The following ATAD3C variants were observed in gnomAD, a reference collection of about 807,000 sequenced individuals.
ATAD3C encodes ATPase family AAA domain-containing protein 3C.
Under a neutral mutation model 46.3 loss-of-function variants are expected in ATAD3C, and 38 were observed. The ratio of observed to expected loss-of-function variants is 0.82; its 90% confidence interval spans 0.63 to 1.08. ATAD3C has a LOEUF of 1.08. ATAD3C is among the 50% of genes least tolerant of loss of function. The pLI, the probability that ATAD3C is intolerant of heterozygous loss-of-function variation, is 0.00. For synonymous variants in ATAD3C, 220 were observed against 236.4 expected, an observed-to-expected ratio of 0.93 and a Z score of 0.63; for missense variants, 563 against 572.7, an observed-to-expected ratio of 0.98 and a Z score of 0.17.
intron 9 of ATAD3C, among the ~76,000 whole-genome samples, chr1:1,460,290 C>T (rs1295943971): frequency 6.6e-6 from 1 of 151,916 alleles, no homozygotes; most frequent in Non-Finnish European, 1.5e-5. Context: ...CCATGTTAGT[C>T]AGCTGGTGTT....
At chr1:1,452,160 G>T (rs769404358) in intron 2 of ATAD3C, 38 bp downstream of exon 2, 4 of 1,608,840 alleles carry the variant, frequency 2.5e-6, no homozygotes, top group Non-Finnish European at 3.4e-6. Context: ...CGCAGATGGA[G>T]CCCCCACAGG....
At chr1:1,465,694 GGTT>G (rs1356342755) in intron 11 of ATAD3C, among the ~76,000 whole-genome samples, 1 of 151,730 alleles carries the variant, frequency 6.6e-6, no homozygotes, top group East Asian at 1.9e-4. Context: ...GATGTCACAG[GGTT>G]GTTTTTTCCA....
In ATAD3C at chr1:1,450,603, C is replaced by A; in HGVS notation, c.-81C>A. 6.6e-7 allele frequency: 1 copy of A among 1,526,322 alleles called. No individual in the cohort carries two copies. The highest frequency in any genetic ancestry group is 8.9e-7 in the Non-Finnish European group (1 of 1,123,396). The allele number at this position is 1,526,322 out of a possible 1,614,324, so 94.5% of individuals were successfully genotyped here. ...AGGCGTGGCCGTGGATTCCAGAAAG[C>A]CCCTTGGCTGGTGTGCGTGCCTGCC... is the stretch of plus-strand genomic sequence containing the variant. On this transcript the variant is annotated 5_prime_UTR_variant, in exon 1 of 12. Coordinates refer to ENST00000378785, the MANE Select transcript of ATAD3C (RefSeq NM_001039211.3).
At chr1:1,460,987 C>T (rs947048992) in intron 10 of ATAD3C, 70 bp downstream of exon 10, 37 of 1,491,206 alleles carry the variant, frequency 2.5e-5, no homozygotes, top group South Asian at 1.9e-4. Flanking sequence ...TCCTGTTCTC[C>T]GGACACACCC....
chr1:1,452,185 C>A, intron 2 of ATAD3C, 63 bp downstream of exon 2: 1 of 1,597,026 alleles, frequency 6.3e-7, no homozygotes, highest in Non-Finnish European at 8.6e-7. Context: ...AGTCGCTGGT[C>A]CCAGGGTGCT....
chr1:1,456,907 C>T lies in ATAD3C; in HGVS notation c.690-222C>T, dbSNP rs1035255055. ...TGTCCCTGGTGTGGACTCTAAGCGG[C>T]CACCAGCGCTGCACTGGGCTGAGTG... On this transcript the variant is annotated intron_variant, in intron 7 of 11. Coordinates refer to ENST00000378785, the MANE Select transcript of ATAD3C (RefSeq NM_001039211.3). Among the ~76,000 whole-genome samples the T allele has an allele frequency of 3.3e-5, 5 of 151,940 alleles. No individual in the cohort carries two copies. In the East Asian group the frequency reaches 5.8e-4, roughly 18 times the overall value.
At chr1:1,467,575 C>A (rs924775052) in intron 11 of ATAD3C, among the ~76,000 whole-genome samples, 1 of 152,044 alleles carries the variant, frequency 6.6e-6, no homozygotes, top group Non-Finnish European at 1.5e-5. Flanking sequence ...GCTGCCCCTG[C>A]ACCCCGTGAG....
rs774115327 is a variant in ATAD3C, at chr1:1,458,064, C to T, written c.741+884C>T. Among the ~76,000 whole-genome samples the T allele has an allele frequency of 2.8e-4, 42 of 151,794 alleles. 2 individuals carry two copies. The highest frequency in any genetic ancestry group is 8.6e-4 in the Admixed American group (13 of 15,192). On this transcript the variant is annotated intron_variant, in intron 8 of 11. Coordinates refer to ENST00000378785, the MANE Select transcript of ATAD3C (RefSeq NM_001039211.3). ...CGCAATCTTGGCTCGCTGCAACCTC[C>T]GCCTCCTGGGTTCAAGCTGGTCTCC... is the stretch of plus-strand genomic sequence containing the variant.
rs2936656 is a variant in ATAD3C at position 1,469,400 on chromosome 1, C to T, written c.*870C>T. 9.5e-5 allele frequency: 13 copies of T among 136,226 alleles called. No individual in the cohort carries two copies. The highest frequency in any genetic ancestry group is 3.6e-4 in the African/African-American group (13 of 36,612). The allele number at this position is 136,226 out of a possible 1,614,324, so 8.4% of individuals were successfully genotyped here. On this transcript the variant is annotated 3_prime_UTR_variant, in exon 12 of 12. Coordinates refer to ENST00000378785, the MANE Select transcript of ATAD3C (RefSeq NM_001039211.3). ...ATGGGAGGCAGAGGTTGCAGTGAGC[C>T]AAGATCGCACCATTGCACTCCAGCC...
At position 1,462,845 on chromosome 1, in the gene ATAD3C, G is replaced by T; in HGVS notation, c.1089+137G>T. 1 of 1,137,540 alleles carries T rather than the reference G, an allele frequency of 8.8e-7. No homozygotes were observed. The allele number at this position is 1,137,540 out of a possible 1,614,324, so 70.5% of individuals were successfully genotyped here. A position where few individuals can be genotyped will look rare whatever the true frequency, so the allele number is the denominator to read the frequency against. On this transcript the variant is annotated intron_variant, in intron 11 of 11. Coordinates refer to ENST00000378785, the MANE Select transcript of ATAD3C (RefSeq NM_001039211.3). This position sits in a 1 kb window ranked among gnomAD's most constrained non-coding sequence, Gnocchi z 4.5. ...GGTTTTCAGTGCACAGATGTGACACGGGGCCCCTGCCCCAGTTGGGCCACT... is the reference window on the plus strand; with the variant it reads ...GGTTTTCAGTGCACAGATGTGACACTGGGCCCCTGCCCCAGTTGGGCCACT...
At position 1,455,850 on chromosome 1, in the gene ATAD3C, C is replaced by T; in HGVS notation, c.498C>T (p.Asn166=). The T allele has an allele frequency of 6.2e-7, 1 of 1,613,510 alleles. No individual in the cohort carries two copies. Among genetic ancestry groups the T allele is most frequent in the Non-Finnish European group, 8.5e-7 (1 of 1,179,708 alleles). The part of the protein sequence containing the change: ...IAIMTRNIKK[N]RGLYRHILLY... Reference sequence around the variant, plus strand: ...TAATGACAAGGAACATCAAGAAGAACCGGGGCCTGTACAGGCACATCCTGC... The same window carrying T: ...TAATGACAAGGAACATCAAGAAGAATCGGGGCCTGTACAGGCACATCCTGC... Residue 166 remains asparagine, a synonymous_variant, in exon 6 of 12, where the codon AAC becomes AAT. Transcript: ENST00000378785.
Position 1,462,565 on chromosome 1 carries a change from G to A in ATAD3C, c.981-35G>A. 1 of 1,550,984 alleles carries A rather than the reference G, an allele frequency of 6.4e-7. No individual in the cohort carries two copies. Among genetic ancestry groups the A allele is most frequent in the Non-Finnish European group, 8.8e-7 (1 of 1,141,858 alleles). ...TCCACCTCGTGGTGTGGGAGCTGCTGCCTTGGCCGGCCCACTTGGGAACTC... is the reference window on the plus strand; with the variant it reads ...TCCACCTCGTGGTGTGGGAGCTGCTACCTTGGCCGGCCCACTTGGGAACTC... On this transcript the variant is annotated intron_variant, in intron 10 of 11. Coordinates refer to ENST00000378785, the MANE Select transcript of ATAD3C (RefSeq NM_001039211.3). The surrounding 1 kb of genome is among the most constrained non-coding windows in gnomAD (Gnocchi z 4.5).
chr1:1,466,385 T>TACTAAAA (rs1639142908), intron 11 of ATAD3C, among the ~76,000 whole-genome samples: 1 of 151,476 alleles, frequency 6.6e-6, no homozygotes, highest in African/African-American at 2.4e-5. Context: ...ACCCTGTCTC[T>TACTAAAA]ACTAAAAAAT....
Position 1,457,299 on chromosome 1 carries a change from AAC to A in ATAD3C, c.741+123_741+124del, listed in dbSNP as rs377068429. On this transcript the variant is annotated intron_variant, in intron 8 of 11. Transcript: ENST00000378785. The stretch of plus-strand genomic sequence containing the variant: ...CTTTTTCTCTAAGTTTTGTGTGAAA[AAC>A]ACAGCATTTTTGGCCAGGTGTGGAG... The A allele has an allele frequency of 9.7e-6, 15 of 1,541,718 alleles. No individual in the cohort carries two copies. The East Asian group carries it at 1.8e-4, about 19-fold the overall frequency.
intron 8 of ATAD3C, among the ~76,000 whole-genome samples, chr1:1,457,503 G>T (rs1178972114): frequency 1.3e-5 from 2 of 149,814 alleles, no homozygotes; most frequent in African/African-American, 4.9e-5. Flanking sequence ...GGCTGAGGCA[G>T]GAGAATGGCG....
At chr1:1,452,343 C>T in intron 2 of ATAD3C, 22 bp from the exon 3 acceptor site, 7 of 1,613,724 alleles carry the variant, frequency 4.3e-6, no homozygotes, top group Non-Finnish European at 5.9e-6. Flanking sequence ...CCCTCCTGGT[C>T]ACACCACTGC....
In ATAD3C at chr1:1,468,415, T is replaced by C; in HGVS notation, c.1121T>C (p.Leu374Pro). Residue 374 changes from leucine to proline, a missense_variant, in exon 12 of 12, where the codon CTG (leucine) becomes CCG (proline). Leu to Pro is a moderately conservative substitution (Grantham distance 98, BLOSUM62 -3). Transcript: ENST00000378785. ...ATAYASKDGV[L>P]TEAMMDACVQ... ...GCGTATGCCTCCAAGGACGGGGTCC[T>C]GACCGAGGCCATGATGGACGCCTGC... 1 of 1,612,956 alleles carries C rather than the reference T, an allele frequency of 6.2e-7. No individual in the cohort carries two copies.
At chr1:1,464,168 C>A (rs1239123684) in intron 11 of ATAD3C, among the ~76,000 whole-genome samples, 1 of 148,568 alleles carries the variant, frequency 6.7e-6, no homozygotes, top group African/African-American at 2.5e-5. Flanking sequence ...GATCGTGCCA[C>A]TGTACTTCAG....
chr1:1,467,975 C>T (rs1452949227), intron 11 of ATAD3C, among the ~76,000 whole-genome samples: 4 of 151,948 alleles, frequency 2.6e-5, no homozygotes, highest in African/African-American at 9.7e-5. Context: ...GCAGTGGCTG[C>T]CTCTGCCCTG....
Sources: allele counts gnomAD v4.1 joint callset (sites outside exome capture counted in the v4.1 genomes callset), GRCh38; gene constraint gnomAD v4.1.1; non-coding constraint Gnocchi (gnomAD v3.1); transcripts MANE v1.5; gene names NCBI Gene and HGNC (gene_info 2026-07-23, HGNC 2026-07-21).